DLGAP1: variants seen among roughly 807,000 people sequenced by gnomAD.
DLGAP1 encodes disks large-associated protein 1.
DLGAP1 carries 11 observed loss-of-function variants against 90.8 expected under a neutral mutation model. The observed-to-expected ratio is 0.12, with a 90% CI of 0.08 to 0.20. The LOEUF is 0.20. Ranked by LOEUF, DLGAP1 falls within the 10% of genes least tolerant of loss-of-function variation. The pLI is 1.00. For missense variants in DLGAP1, 1,050 were observed against 1,333.8 expected, an observed-to-expected ratio of 0.79 and a Z score of 3.31; for synonymous variants, 558 against 540.7, an observed-to-expected ratio of 1.03 and a Z score of -0.44.
intron 7 of DLGAP1, among the ~76,000 whole-genome samples, chr18:3,669,736 C>A (rs1325073026): frequency 2.6e-5 from 4 of 152,198 alleles, no homozygotes; most frequent in Non-Finnish European, 5.9e-5. Context: ...GTAAAACTTT[C>A]CACTCATTAT....
At chr18:4,242,107 T>A (rs2078548543) in intron 1 of DLGAP1, among the ~76,000 whole-genome samples, 1 of 152,120 alleles carries the variant, frequency 6.6e-6, no homozygotes, top group African/African-American at 2.4e-5. Context: ...TTCCCCTTCA[T>A]CCTCAAAGCC....
chr18:4,405,449 C>G (rs2082642397), intron 1 of DLGAP1, among the ~76,000 whole-genome samples: 1 of 152,124 alleles, frequency 6.6e-6, no homozygotes, highest in African/African-American at 2.4e-5. Flanking sequence ...ATTTCCTTAA[C>G]TCCAGCACAG....
intron 1 of DLGAP1, among the ~76,000 whole-genome samples, chr18:4,356,102 T>C (rs1012024773): frequency 6.6e-6 from 1 of 151,932 alleles, no homozygotes; most frequent in Non-Finnish European, 1.5e-5. Context: ...CAGCAGGAAG[T>C]GCACCGTAGT....
At chr18:3,828,554 C>A (rs1462847493) in intron 4 of DLGAP1, among the ~76,000 whole-genome samples, 1 of 149,058 alleles carries the variant, frequency 6.7e-6, no homozygotes, top group Non-Finnish European at 1.5e-5. Context: ...GTGAGAGGAT[C>A]TCCTGAGCCT....
chr18:3,896,083 T>C (rs1313628240), intron 3 of DLGAP1: 1 of 152,238 alleles, frequency 6.6e-6, no homozygotes, highest in Non-Finnish European at 1.5e-5. Flanking sequence ...GCTTATTACA[T>C]GTATGTGCTG....
intron 2 of DLGAP1, among the ~76,000 whole-genome samples, chr18:4,029,533 T>A (rs2149127135): frequency 6.6e-6 from 1 of 152,222 alleles, no homozygotes; most frequent in East Asian, 1.9e-4. Context: ...AATAGTTGAG[T>A]GGGCAAGAAA....
intron 4 of DLGAP1, among the ~76,000 whole-genome samples, chr18:3,820,252 T>C (rs921871932): frequency 1.3e-5 from 2 of 152,204 alleles, no homozygotes; most frequent in African/African-American, 4.8e-5. Context: ...CCGGGACAGC[T>C]GAAATGAAGC....
rs776761583 is a variant in DLGAP1 at position 3,534,479 on chromosome 18, G to A, written c.2194C>T (p.Arg732Cys). 8.1e-6 allele frequency: 13 copies of A among 1,614,188 alleles called. No individual in the cohort carries two copies. The highest frequency in any genetic ancestry group is 2.2e-5 in the South Asian group (2 of 91,078). ...CTGACTGTGGAGGTGCTGGCATCGC[G>A]GGAGAACTGTCTGGCCATGGGGCCA... ...CPGPMARQFSRDASTSTVSIQ... is the reference protein window; with the variant it reads ...CPGPMARQFSCDASTSTVSIQ... Residue 732 changes from arginine to cysteine, a missense_variant, in exon 10 of 13, where the codon CGC becomes TGC. Physicochemically the swap from Arg to Cys is radical, Grantham distance 180. Coordinates refer to ENST00000315677, the MANE Select transcript of DLGAP1 (RefSeq NM_004746.4).
chr18:3,946,649 CTG>C (rs2072883966), intron 3 of DLGAP1, among the ~76,000 whole-genome samples: 1 of 152,088 alleles, frequency 6.6e-6, no homozygotes. Flanking sequence ...AGTATTCCCT[CTG>C]TGAAAAAAAC....
chr18:3,526,766 C>T lies in DLGAP1; in HGVS notation c.2479+7428G>A, dbSNP rs181807947. On this transcript the variant is annotated intron_variant, in intron 10 of 12. Transcript: ENST00000315677. This position sits in a 1 kb window ranked among gnomAD's most constrained non-coding sequence, Gnocchi z 4.7. ...CAGCTCCATCTGGTCGTTTCATCCC[C>T]GGTTAGATAATACCAGACGTATCTA... Among the ~76,000 whole-genome samples, 271 of 152,280 alleles carry T rather than the reference C, an allele frequency of 1.8e-3. No individual in the cohort carries two copies. Among genetic ancestry groups the T allele is most frequent in the African/African-American group, 6.2e-3 (256 of 41,540 alleles).
At chr18:4,011,465 A>C (rs1364456469) in intron 2 of DLGAP1, among the ~76,000 whole-genome samples, 1 of 152,102 alleles carries the variant, frequency 6.6e-6, no homozygotes, top group Non-Finnish European at 1.5e-5. Flanking sequence ...AATAAATGAA[A>C]TAACCAATAG....
At chr18:3,596,866 G>A (rs377036612) in intron 7 of DLGAP1, 37 of 520,074 alleles carry the variant, frequency 7.1e-5, no homozygotes, top group African/African-American at 6.7e-4. Flanking sequence ...GAGCCCCCTC[G>A]TGTTTGATGT....
rs542545043 is a variant in DLGAP1, at chr18:3,554,489, C to T, written c.2057+13001G>A. 2.0e-5 allele frequency among the ~76,000 whole-genome samples: 3 copies of T among 152,298 alleles called. No homozygotes were observed. In the South Asian group the frequency reaches 6.2e-4, roughly 32 times the overall value. On this transcript the variant is annotated intron_variant, in intron 9 of 12. Coordinates refer to ENST00000315677, the MANE Select transcript of DLGAP1 (RefSeq NM_004746.4). Reference sequence around the variant, plus strand: ...CATTATCCCTGGCTTCCTGCTGCCACGGCATTTAAACTAGTGATCTTCAGA... The same window carrying T: ...CATTATCCCTGGCTTCCTGCTGCCATGGCATTTAAACTAGTGATCTTCAGA...
chr18:4,099,575 C>T (rs2075745556), intron 2 of DLGAP1, among the ~76,000 whole-genome samples: 1 of 152,124 alleles, frequency 6.6e-6, no homozygotes, highest in African/African-American at 2.4e-5. Context: ...TAATGATCAT[C>T]TGAGCCTTCA....
At chr18:3,731,001 C>T (rs886583664) in intron 6 of DLGAP1, among the ~76,000 whole-genome samples, 2 of 152,080 alleles carry the variant, frequency 1.3e-5, no homozygotes, top group African/African-American at 4.8e-5. Context: ...AAAGAGTGAG[C>T]AAGTGAGCCA....
intron 7 of DLGAP1, among the ~76,000 whole-genome samples, chr18:3,583,168 A>G (rs59289798): frequency 1.6e-5 from 2 of 126,994 alleles, no homozygotes. Context: ...CTACCTACCT[A>G]CCTACCTACC....
At chr18:3,810,575 C>T (rs1290332834) in intron 5 of DLGAP1, among the ~76,000 whole-genome samples, 3 of 152,052 alleles carry the variant, frequency 2.0e-5, no homozygotes, top group Non-Finnish European at 4.4e-5. Context: ...GAAGTAGGAA[C>T]ATAAATATAG....
In DLGAP1 at chr18:3,897,856, G is replaced by T. The variant is rs914058945; in HGVS notation, c.-72-17716C>A. On this transcript the variant is annotated intron_variant, in intron 3 of 12. Transcript: ENST00000315677. Reference sequence around the variant, plus strand: ...AGGCCGGACTGCGGACTGCAGTGGCGCAATCTCGGCTCACTGCAAGCTCCG... The same window carrying T: ...AGGCCGGACTGCGGACTGCAGTGGCTCAATCTCGGCTCACTGCAAGCTCCG... Among the ~76,000 whole-genome samples the T allele has an allele frequency of 2.9e-5, 4 of 138,582 alleles. No individual in the cohort carries two copies. In the Admixed American group the frequency reaches 3.2e-4, roughly 11 times the overall value. The allele number at this position is 138,582 out of a possible 152,430, so 90.9% of individuals were successfully genotyped here.
intron 5 of DLGAP1, among the ~76,000 whole-genome samples, chr18:3,754,074 C>T (rs1334965484): frequency 6.6e-6 from 1 of 152,190 alleles, no homozygotes; most frequent in African/African-American, 2.4e-5. Context: ...GATCATGGCT[C>T]ACTGCAGCCT....
Sources: allele counts gnomAD v4.1 joint callset (sites outside exome capture counted in the v4.1 genomes callset), GRCh38; gene constraint gnomAD v4.1.1; non-coding constraint Gnocchi (gnomAD v3.1); transcripts MANE v1.5; gene names NCBI Gene and HGNC (gene_info 2026-07-23, HGNC 2026-07-21).